Variants in OSGIN2 observed in about 807,000 individuals in gnomAD.
OSGIN2 encodes oxidative stress induced growth inhibitor family member 2.
A neutral mutation model predicts 53.8 loss-of-function variants in OSGIN2; 19 were observed. That is an observed-to-expected ratio of 0.35 (90% CI 0.25 to 0.52). OSGIN2 has a LOEUF of 0.52. OSGIN2 is among the 20% of genes least tolerant of loss of function. The pLI is 0.95. For missense variants in OSGIN2, 520 were observed against 662.7 expected, an observed-to-expected ratio of 0.78 and a Z score of 2.36; for synonymous variants, 236 against 236.0, an observed-to-expected ratio of 1.00 and a Z score of 0.00.
chr8:89,909,550 CT>C lies in OSGIN2; in HGVS notation c.45-5del, dbSNP rs371682094. 0.14 allele frequency: 132,477 copies of C among 928,336 alleles called. 11 individuals carry two copies. The highest frequency in any genetic ancestry group is 0.18 in the East Asian group (4,347 of 24,686). 57.5% of individuals were successfully genotyped at this position (928,336 alleles called of 1,614,324 possible). A position where few individuals can be genotyped will look rare whatever the true frequency, so the allele number is the denominator to read the frequency against. On this transcript the variant is annotated splice_polypyrimidine_tract_variant and intron_variant, in intron 1 of 5. Coordinates refer to ENST00000451899, the MANE Select transcript of OSGIN2 (RefSeq NM_001126111.3). ...TTGACTATATCTCTTTTTATTCCCC[CT>C]TTTTTTTTTTTAAAGAAACTATAGT...
In OSGIN2 at chr8:89,926,603, CTCA is replaced by C. The variant is rs2130721498; in HGVS notation, c.*1073_*1075del. On this transcript the variant is annotated 3_prime_UTR_variant, in exon 6 of 6. Transcript: ENST00000451899. ...GTATTCATTCGAGATGACATAGCAG[CTCA>C]TATCATGGTTGTTTATTGGATTTAT... 1 of 152,554 alleles carries C rather than the reference CTCA, an allele frequency of 6.6e-6. No homozygotes were observed. The highest frequency in any genetic ancestry group is 2.4e-5 in the African/African-American group (1 of 41,574). The allele number at this position is 152,554 out of a possible 1,614,324, so 9.5% of individuals were successfully genotyped here. A position where few individuals can be genotyped will look rare whatever the true frequency, so the allele number is the denominator to read the frequency against.
chr8:89,912,961 C>T (rs536375569), intron 2 of OSGIN2, among the ~76,000 whole-genome samples: 3 of 152,126 alleles, frequency 2.0e-5, no homozygotes, highest in African/African-American at 7.2e-5. Context: ...AGTCTTGGGT[C>T]TGAGTCTTGA....
Position 89,914,626 on chromosome 8 carries a change from T to C in OSGIN2, c.408T>C (p.Leu136=). 6.2e-7 allele frequency: 1 copy of C among 1,614,094 alleles called. No individual in the cohort carries two copies. Among genetic ancestry groups the C allele is most frequent in the Non-Finnish European group, 8.5e-7 (1 of 1,179,894 alleles). The part of the protein sequence containing the change: ...SNPVAVLFDT[L]LHPDADFGYD... ...CAGTTGCAGTACTTTTCGATACACT[T>C]CTTCATCCAGATGCTGACTTTGGGT... The change falls in exon 4 of 6, where the codon CTT becomes CTC. Residue 136 remains leucine, a synonymous_variant. Coordinates refer to ENST00000451899, the MANE Select transcript of OSGIN2 (RefSeq NM_001126111.3).
chr8:89,920,783 A>T (rs1306585815), intron 4 of OSGIN2, among the ~76,000 whole-genome samples: 2 of 152,228 alleles, frequency 1.3e-5, no homozygotes, highest in African/African-American at 2.4e-5. Context: ...TATGTTGATC[A>T]TAGACCAAAG....
chr8:89,912,386 G>A (rs1808984900), intron 2 of OSGIN2, among the ~76,000 whole-genome samples: 1 of 152,138 alleles, frequency 6.6e-6, no homozygotes, highest in South Asian at 2.1e-4. Flanking sequence ...CTGAGACCAT[G>A]GCGTTGCAGT....
At chr8:89,908,862 A>T (rs1314763300) in intron 1 of OSGIN2, among the ~76,000 whole-genome samples, 2 of 151,378 alleles carry the variant, frequency 1.3e-5, no homozygotes, top group Non-Finnish European at 2.9e-5. Flanking sequence ...ATATTTTTTA[A>T]ATTAGCCAAG....
Position 89,909,316 on chromosome 8 carries a change from G to A in OSGIN2, c.45-251G>A, listed in dbSNP as rs139525765. On this transcript the variant is annotated intron_variant, in intron 1 of 5. Transcript: ENST00000451899. ...TTGATCATGAGAGAACTGCTTATTAGAGACTTGCCTAGAAGATACTTGTGA... is the reference window on the plus strand; with the variant it reads ...TTGATCATGAGAGAACTGCTTATTAAAGACTTGCCTAGAAGATACTTGTGA... Among the ~76,000 whole-genome samples, 611 of 151,878 alleles carry A rather than the reference G, an allele frequency of 4.0e-3. 4 individuals carry two copies. Among genetic ancestry groups the A allele is most frequent in the African/African-American group, 0.014 (574 of 41,478 alleles).
At position 89,914,085 on chromosome 8, in the gene OSGIN2, C is replaced by A; in HGVS notation, c.208C>A (p.Pro70Thr). ...CCTTTTATTTTTAATAGGAAATGGA[C>A]CCTCAGGAATATGCCTTTCTTATAT... The part of the protein sequence containing the change: ...TFPVVIIGNG[P>T]SGICLSYMLS... Residue 70 changes from proline (P) to threonine (T), a missense_variant, in exon 3 of 6, where the codon CCC becomes ACC. Transcript: ENST00000451899. 1 of 1,610,196 alleles carries A rather than the reference C, an allele frequency of 6.2e-7. No homozygotes were observed. Among genetic ancestry groups the A allele is most frequent in the Non-Finnish European group, 8.5e-7 (1 of 1,177,924 alleles).
intron 1 of OSGIN2, among the ~76,000 whole-genome samples, chr8:89,905,060 G>A (rs1808806789): frequency 6.6e-6 from 1 of 152,146 alleles, no homozygotes; most frequent in Non-Finnish European, 1.5e-5. Flanking sequence ...TAAAAATTCA[G>A]TTAGTAAAGC....
intron 2 of OSGIN2, among the ~76,000 whole-genome samples, chr8:89,913,399 GT>G (rs1056261669): frequency 2.0e-5 from 3 of 152,196 alleles, no homozygotes; most frequent in African/African-American, 7.2e-5. Context: ...CTTTGCAAAA[GT>G]TGTTTCAAAT....
At chr8:89,902,911 G>A in intron 1 of OSGIN2, 74 bp downstream of exon 1, 2 of 1,118,798 alleles carry the variant, frequency 1.8e-6, no homozygotes, top group Admixed American at 3.5e-5. Flanking sequence ...CCTGGCCCGG[G>A]CCGGGACCGG....
intron 5 of OSGIN2, among the ~76,000 whole-genome samples, chr8:89,923,007 G>A (rs1228031726): frequency 6.6e-6 from 1 of 152,090 alleles, no homozygotes; most frequent in Non-Finnish European, 1.5e-5. Context: ...ACCTGTGGGA[G>A]GTACCATACC....
chr8:89,914,028 G>C (rs1809027829), intron 2 of OSGIN2, 49 bp from the exon 3 acceptor site: 7 of 1,529,354 alleles, frequency 4.6e-6, no homozygotes, highest in African/African-American at 1.4e-5. Flanking sequence ...CAAGGAACAA[G>C]AGTATTAAGA....
intron 4 of OSGIN2, among the ~76,000 whole-genome samples, chr8:89,915,933 T>C (rs1222141292): frequency 6.6e-6 from 1 of 152,244 alleles, no homozygotes; most frequent in Non-Finnish European, 1.5e-5. Context: ...TTATGATTTT[T>C]ACTTTTTCAT....
At chr8:89,916,349 C>T (rs1809078658) in intron 4 of OSGIN2, among the ~76,000 whole-genome samples, 1 of 152,082 alleles carries the variant, frequency 6.6e-6, no homozygotes, top group African/African-American at 2.4e-5. Flanking sequence ...CTAAAAGTTG[C>T]TGATTTTTTT....
In OSGIN2 at chr8:89,902,637, A is replaced by C. The variant is rs2697670; in HGVS notation, c.-157A>C. On this transcript the variant is annotated 5_prime_UTR_variant, in exon 1 of 6. Coordinates refer to ENST00000451899, the MANE Select transcript of OSGIN2 (RefSeq NM_001126111.3). ...ATCTGGAGGCGGACTCCGGCGCCAC[A>C]GAGCCGGGGCAGCCGCGGCAACGGC... 0.22 allele frequency: 35,372 copies of C among 163,312 alleles called. 3,897 individuals carry two copies. The highest frequency in any genetic ancestry group is 0.26 in the Middle Eastern group (83 of 314). 10.1% of individuals were successfully genotyped at this position (163,312 alleles called of 1,614,324 possible). A position where few individuals can be genotyped will look rare whatever the true frequency, so the allele number is the denominator to read the frequency against.
Position 89,914,208 on chromosome 8 carries a change from G to A in OSGIN2, c.331G>A (p.Asp111Asn). The A allele has an allele frequency of 6.3e-7, 1 of 1,593,840 alleles. No individual in the cohort carries two copies. The highest frequency in any genetic ancestry group is 8.6e-7 in the Non-Finnish European group (1 of 1,167,836). Residue 111 changes from aspartate to asparagine, a missense_variant, in exon 3 of 6, where the codon GAT (aspartate) becomes AAT (asparagine). By Grantham distance (23) the Asp-to-Asn change is conservative. Transcript: ENST00000451899. ...LEEARHLSIV[D>N]QDLEYLSEGL... Reference sequence around the variant, plus strand: ...AGAAGCAAGACATCTTTCCATTGTTGATCAGGTATTATTTCTTACATGTCA... The same window carrying A: ...AGAAGCAAGACATCTTTCCATTGTTAATCAGGTATTATTTCTTACATGTCA...
At position 89,925,388 on chromosome 8, in the gene OSGIN2, C is replaced by A. The variant is rs774849460; in HGVS notation, c.1506C>A (p.Asn502Lys). Residue 502 changes from asparagine to lysine, a missense_variant, in exon 6 of 6, where the codon AAC (asparagine) becomes AAA (lysine). Physicochemically the swap from Asn to Lys is moderately conservative, Grantham distance 94. Transcript: ENST00000451899. ...TYTYECIKEA[N>K]LFALGPLVGD... ...CCTATGAGTGTATTAAAGAAGCCAACCTTTTTGCATTGGGTCCTTTGGTTG... is the reference window on the plus strand; with the variant it reads ...CCTATGAGTGTATTAAAGAAGCCAAACTTTTTGCATTGGGTCCTTTGGTTG... 3.1e-6 allele frequency: 5 copies of A among 1,613,948 alleles called. No individual in the cohort carries two copies. The highest frequency in any genetic ancestry group is 1.7e-5 in the Admixed American group (1 of 59,980).
chr8:89,918,419 G>A (rs1324784519), intron 4 of OSGIN2, among the ~76,000 whole-genome samples: 1 of 152,070 alleles, frequency 6.6e-6, no homozygotes, highest in Non-Finnish European at 1.5e-5. Context: ...TCCTGCCTTA[G>A]CCTCCCAGTG....
Sources: allele counts gnomAD v4.1 joint callset (sites outside exome capture counted in the v4.1 genomes callset), GRCh38; gene constraint gnomAD v4.1.1; transcripts MANE v1.5; gene names NCBI Gene and HGNC (gene_info 2026-07-23, HGNC 2026-07-21).